COL4A5: variants seen among roughly 807,000 people sequenced by gnomAD.
COL4A5 encodes collagen type IV alpha 5 chain.
Under a neutral mutation model 130.2 loss-of-function variants are expected in COL4A5, and 26 were observed. The observed-to-expected ratio is 0.20, with a 90% CI of 0.15 to 0.28. COL4A5 has a LOEUF of 0.28. Among genes scored for constraint, COL4A5 ranks in the 10% least tolerant of loss-of-function variants. COL4A5 has a pLI of 1.00. For missense variants in COL4A5, 1,131 were observed against 1,344.3 expected (o/e 0.84, Z 2.48); for synonymous variants, 496 against 439.6 (o/e 1.13, Z -1.60).
intron 41 of COL4A5, 51 bp from the exon 42 acceptor site, chrX:108,670,177 C>T (rs751511136): frequency 1.7e-6 from 2 of 1,188,295 alleles, no homozygotes; most frequent in Non-Finnish European, 2.3e-6. Context: ...GATATTTTTC[C>T]TTTTTGTTAA....
At chrX:108,632,027 A>G (rs1467083461) in intron 36 of COL4A5, among the ~76,000 whole-genome samples, 1 of 111,489 alleles carries the variant, frequency 9.0e-6, no homozygotes, top group African/African-American at 3.3e-5. Context: ...CAAAACATCA[A>G]TGAATCCAGG....
rs745864822 is a variant in COL4A5 at position 108,502,447 on chromosome X, G to A, written c.82-37299G>A. On this transcript the variant is annotated intron_variant, in intron 1 of 52. Transcript: ENST00000328300. Reference sequence around the variant, plus strand: ...ATTACGGGCATGCACCACCATGCCCGGCTAATTTTGTATTTTTAGTAGAGA... The same window carrying A: ...ATTACGGGCATGCACCACCATGCCCAGCTAATTTTGTATTTTTAGTAGAGA... 3.7e-4 allele frequency among the ~76,000 whole-genome samples: 41 copies of A among 109,411 alleles called. 1 individual carries two copies. The highest frequency in any genetic ancestry group is 6.1e-4 in the Non-Finnish European group (32 of 52,600).
At chrX:108,631,991 A>G (rs2067269787) in intron 36 of COL4A5, among the ~76,000 whole-genome samples, 1 of 111,518 alleles carries the variant, frequency 9.0e-6, no homozygotes, top group South Asian at 3.8e-4. Flanking sequence ...GCAGAACTGA[A>G]GAAAATAGAG....
chrX:108,526,595 CCTTTCTTTCTTTCTTT>C (rs1166494631), intron 1 of COL4A5, among the ~76,000 whole-genome samples: 172 of 33,228 alleles, frequency 5.2e-3, no homozygotes, highest in African/African-American at 9.8e-3. Context: ...CTCCCTCCCT[CCTTTCTTTCTTTCTTT>C]CTTTCTTTCT....
chrX:108,667,017 A>G lies in COL4A5; in HGVS notation c.3554-116A>G, dbSNP rs750020269. On this transcript the variant is annotated intron_variant, in intron 39 of 52. Coordinates refer to ENST00000328300, the MANE Select transcript of COL4A5 (RefSeq NM_033380.3). Reference sequence around the variant, plus strand: ...GAAATAAATCTTCTGCATGTTTCATATAATATACATTGCTGCACCTAATGA... The same window carrying G: ...GAAATAAATCTTCTGCATGTTTCATGTAATATACATTGCTGCACCTAATGA... 8.2e-6 allele frequency: 5 copies of G among 606,901 alleles called. No homozygotes were observed. The East Asian group carries it at 1.6e-4, about 20-fold the overall frequency. The allele number at this position is 606,901 out of a possible 1,213,427, so 50.0% of individuals were successfully genotyped here. A position where few individuals can be genotyped will look rare whatever the true frequency, so the allele number is the denominator to read the frequency against.
intron 1 of COL4A5, among the ~76,000 whole-genome samples, chrX:108,506,429 GCAC>G (rs2065125287): frequency 1.8e-5 from 2 of 108,868 alleles, no homozygotes; most frequent in South Asian, 4.1e-4. Flanking sequence ...AACATTTTTG[GCAC>G]CAGGGACAGG....
chrX:108,694,665 A>G, intron 50 of COL4A5, 142 bp from the exon 51 acceptor site: 1 of 523,954 alleles, frequency 1.9e-6, no homozygotes, highest in Non-Finnish European at 3.4e-6. Context: ...TGCAATCCTC[A>G]AAGTGCATTT....
At chrX:108,583,766 A>G (rs1376341130) in intron 17 of COL4A5, among the ~76,000 whole-genome samples, 1 of 111,405 alleles carries the variant, frequency 9.0e-6, no homozygotes, top group Non-Finnish European at 1.9e-5. Context: ...GCTTCTATGA[A>G]CAAGTTTAGA....
intron 33 of COL4A5, among the ~76,000 whole-genome samples, chrX:108,623,739 A>C: frequency 8.9e-6 from 1 of 111,954 alleles, no homozygotes; most frequent in Non-Finnish European, 1.9e-5. Flanking sequence ...ATTTTTCCTC[A>C]AAAAAGAATT....
At chrX:108,446,828 G>T (rs967650639) in intron 1 of COL4A5, among the ~76,000 whole-genome samples, 3 of 111,638 alleles carry the variant, frequency 2.7e-5, no homozygotes, top group African/African-American at 9.8e-5. Flanking sequence ...TCTGTGACTG[G>T]TCACTTAAGA....
chrX:108,456,936 A>G (rs778751350), intron 1 of COL4A5, among the ~76,000 whole-genome samples: 2 of 111,716 alleles, frequency 1.8e-5, no homozygotes, highest in Admixed American at 1.9e-4. Flanking sequence ...GACTGTCCTC[A>G]CTTCCCAGTT....
At chrX:108,559,231 A>G (rs1361294197) in intron 3 of COL4A5, 78 bp downstream of exon 3, 6 of 739,118 alleles carry the variant, frequency 8.1e-6, no homozygotes, top group Non-Finnish European at 1.3e-5. Flanking sequence ...CACATCAACT[A>G]AAAAGTTACT....
chrX:108,541,271 T>C (rs746460935), intron 2 of COL4A5, among the ~76,000 whole-genome samples: 27 of 111,848 alleles, frequency 2.4e-4, no homozygotes, highest in Non-Finnish European at 5.1e-4. Flanking sequence ...CTTTCTGTAG[T>C]GGAGAAAATA....
At chrX:108,567,393 G>A (rs1412359266) in intron 4 of COL4A5, among the ~76,000 whole-genome samples, 2 of 111,915 alleles carry the variant, frequency 1.8e-5, no homozygotes. Context: ...TATAAGACAA[G>A]GTGTAGTCAG....
chrX:108,640,244 G>A (rs1490671722), intron 36 of COL4A5, among the ~76,000 whole-genome samples: 1 of 111,533 alleles, frequency 9.0e-6, no homozygotes, highest in Non-Finnish European at 1.9e-5. Flanking sequence ...CTACAATATG[G>A]ATTAACTTTG....
chrX:108,473,631 A>T lies in COL4A5; in HGVS notation c.81+33425A>T, dbSNP rs867512403. ...TATATATGTATATATATATATATAT[A>T]TATTTTTTTTTTTTTGAGATGAAGT... On this transcript the variant is annotated intron_variant, in intron 1 of 52. Coordinates refer to ENST00000328300, the MANE Select transcript of COL4A5 (RefSeq NM_033380.3). 5.6e-3 allele frequency among the ~76,000 whole-genome samples: 149 copies of T among 26,476 alleles called. 2 individuals are homozygous for T. Among genetic ancestry groups the T allele is most frequent in the African/African-American group, 0.017 (127 of 7,328 alleles). 23.0% of individuals were successfully genotyped at this position (26,476 alleles called of 115,157 possible).
intron 41 of COL4A5, among the ~76,000 whole-genome samples, chrX:108,668,810 A>G (rs1223533593): frequency 1.8e-5 from 2 of 111,931 alleles, no homozygotes; most frequent in East Asian, 5.6e-4. Flanking sequence ...ACTAAAAGGT[A>G]AAACTATACT....
chrX:108,607,072 A>G (rs1233363039), intron 29 of COL4A5, among the ~76,000 whole-genome samples, 180 bp downstream of exon 29: 1 of 111,632 alleles, frequency 9.0e-6, no homozygotes, highest in Non-Finnish European at 1.9e-5. Context: ...CATTGAATAG[A>G]TAATAAAATC....
intron 2 of COL4A5, among the ~76,000 whole-genome samples, chrX:108,540,079 A>C (rs778585389): frequency 3.6e-5 from 4 of 111,940 alleles, no homozygotes; most frequent in African/African-American, 1.3e-4. Flanking sequence ...GAACTTTAAA[A>C]GTGACTAAAA....
Sources: gnomAD v4.1 joint callset for allele counts (sites outside exome capture counted in the v4.1 genomes callset) on GRCh38, gnomAD v4.1.1 for gene constraint, MANE v1.5 for transcripts, NCBI Gene and HGNC (gene_info 2026-07-23, HGNC 2026-07-21) for gene names.